FOLH1: variants seen among roughly 807,000 people sequenced by gnomAD.
FOLH1 encodes glutamate carboxypeptidase 2.
FOLH1 carries 54 observed loss-of-function variants against 93.9 expected under a neutral mutation model. That is an observed-to-expected ratio of 0.57 (90% CI 0.46 to 0.72). The LOEUF (loss-of-function observed/expected upper bound fraction) is 0.72, where lower values mean the gene tolerates loss of function less well. Among genes scored for constraint, FOLH1 ranks in the 30% least tolerant of loss-of-function variants. The pLI, the probability that FOLH1 is intolerant of heterozygous loss-of-function variation, is 0.00. For missense variants in FOLH1, 571 were observed against 892.5 expected (o/e 0.64, Z 4.59); for synonymous variants, 249 against 303.6 (o/e 0.82, Z 1.87).
intron 2 of FOLH1, among the ~76,000 whole-genome samples, chr11:49,202,437 C>T (rs397832877): frequency 1.3e-5 from 2 of 151,834 alleles, no homozygotes; most frequent in Non-Finnish European, 2.9e-5. Flanking sequence ...GAGTCTCATT[C>T]TGTTGCCAGG....
At chr11:49,196,024 C>G (rs1056367992) in intron 3 of FOLH1, among the ~76,000 whole-genome samples, 22 of 151,946 alleles carry the variant, frequency 1.4e-4, no homozygotes, top group African/African-American at 5.3e-4. Flanking sequence ...TGCGGTGGCT[C>G]ATGCCTGTAG....
At chr11:49,164,629 C>G in intron 13 of FOLH1, 76 bp downstream of exon 13, 2 of 983,904 alleles carry the variant, frequency 2.0e-6, no homozygotes, top group Non-Finnish European at 3.1e-6. Context: ...AAAACACCAC[C>G]TATGTTTAAC....
intron 6 of FOLH1, 48 bp downstream of exon 6, chr11:49,185,621 T>C (rs772802817): frequency 6.2e-7 from 1 of 1,607,432 alleles, no homozygotes; most frequent in Non-Finnish European, 8.5e-7. Flanking sequence ...TAATAAAGTC[T>C]CTTTCAAATG....
At chr11:49,161,261 A>G (rs943472463) in intron 13 of FOLH1, among the ~76,000 whole-genome samples, 2 of 152,174 alleles carry the variant, frequency 1.3e-5, no homozygotes, top group Non-Finnish European at 2.9e-5. Context: ...TGGGAGTCTA[A>G]GTCTCTTTGA....
At chr11:49,165,830 A>T (rs1858322918) in intron 12 of FOLH1, among the ~76,000 whole-genome samples, 1 of 152,218 alleles carries the variant, frequency 6.6e-6, no homozygotes, top group Non-Finnish European at 1.5e-5. Flanking sequence ...TAGATTCTAA[A>T]ATTTATCTGG....
At chr11:49,207,898 G>T (rs1474482891) in intron 1 of FOLH1, 2 of 464,248 alleles carry the variant, frequency 4.3e-6, no homozygotes, top group South Asian at 1.5e-5. Flanking sequence ...GCTTGCCTCT[G>T]TTACTTCCAA....
intron 4 of FOLH1, among the ~76,000 whole-genome samples, chr11:49,191,081 G>C (rs1263348859): frequency 6.6e-6 from 1 of 152,034 alleles, no homozygotes; most frequent in Non-Finnish European, 1.5e-5. Context: ...GCGCGATCTC[G>C]GCTCACTGCA....
chr11:49,163,055 G>C (rs1462458169), intron 13 of FOLH1, among the ~76,000 whole-genome samples: 3 of 152,162 alleles, frequency 2.0e-5, no homozygotes, highest in African/African-American at 7.2e-5. Context: ...AGGAGGAAAA[G>C]GATCAGGGAC....
intron 1 of FOLH1, 96 bp downstream of exon 1, chr11:49,208,196 A>T: frequency 1.1e-6 from 1 of 911,572 alleles, no homozygotes; most frequent in Non-Finnish European, 1.7e-6. Context: ...GGGGAAGACC[A>T]GCAACAGGAT....
At chr11:49,204,000 G>A (rs1232576694) in intron 2 of FOLH1, among the ~76,000 whole-genome samples, 2 of 152,280 alleles carry the variant, frequency 1.3e-5, no homozygotes, top group East Asian at 1.9e-4. Context: ...CTGGGCATGC[G>A]TGTTAGAGAC....
chr11:49,185,865 A>G lies in FOLH1; in HGVS notation c.640-10T>C, dbSNP rs529948964. The stretch of plus-strand genomic sequence containing the variant: ...GCTGGGCATTTTTAACCTAGAAAAC[A>G]CAGTGTCTTTCTTTCCTTATTTTAA... On this transcript the variant is annotated splice_polypyrimidine_tract_variant and intron_variant, in intron 5 of 18. Coordinates refer to ENST00000256999, the MANE Select transcript of FOLH1 (RefSeq NM_004476.3). 1.3e-6 allele frequency: 2 copies of G among 1,521,232 alleles called. No homozygotes were observed. Among genetic ancestry groups the G allele is most frequent in the Non-Finnish European group, 1.8e-6 (2 of 1,140,568 alleles). The allele number at this position is 1,521,232 out of a possible 1,614,324, so 94.2% of individuals were successfully genotyped here.
intron 13 of FOLH1, among the ~76,000 whole-genome samples, chr11:49,159,142 C>CTTGTTGAATACTT (rs1857355897): frequency 6.6e-6 from 1 of 152,116 alleles, no homozygotes; most frequent in African/African-American, 2.4e-5. Context: ...TGCCTGATTA[C>CTTGTTGAATACTT]CCTGGCCAGC....
In FOLH1 at chr11:49,156,824, A is replaced by C. The variant is rs1857088537; in HGVS notation, c.1533-17T>G. The C allele has an allele frequency of 6.2e-7, 1 of 1,610,124 alleles. No individual in the cohort carries two copies. Among genetic ancestry groups the C allele is most frequent in the Admixed American group, 1.7e-5 (1 of 59,596 alleles). ...TTGCTTATCCTTTTAGAGATAAAAC[A>C]ACAGAATTATTTCAAAGTAATTTGT... On this transcript the variant is annotated splice_polypyrimidine_tract_variant and intron_variant, in intron 14 of 18. Coordinates refer to ENST00000256999, the MANE Select transcript of FOLH1 (RefSeq NM_004476.3).
chr11:49,151,408 G>A (rs117445035), intron 17 of FOLH1, among the ~76,000 whole-genome samples: 4,564 of 150,010 alleles, frequency 0.03, 214 homozygotes, highest in South Asian at 0.2. Context: ...GCGCGTGCGC[G>A]TGCGTGCACA....
intron 4 of FOLH1, 23 bp downstream of exon 4, chr11:49,192,770 T>C: frequency 6.4e-7 from 1 of 1,565,294 alleles, no homozygotes. Flanking sequence ...TTGTCATTTT[T>C]ATTTGTTGCA....
At chr11:49,163,413 T>A (rs1857962050) in intron 13 of FOLH1, among the ~76,000 whole-genome samples, 1 of 152,016 alleles carries the variant, frequency 6.6e-6, no homozygotes, top group Non-Finnish European at 1.5e-5. Context: ...CCCCCAGTCA[T>A]CTTGGGCTCT....
At chr11:49,161,223 G>T (rs1342780893) in intron 13 of FOLH1, among the ~76,000 whole-genome samples, 1 of 152,120 alleles carries the variant, frequency 6.6e-6, no homozygotes, top group Non-Finnish European at 1.5e-5. Context: ...TTTTCAATAG[G>T]CTGTTAAAGT....
chr11:49,199,266 G>C (rs1440267687), intron 3 of FOLH1, among the ~76,000 whole-genome samples: 1 of 152,030 alleles, frequency 6.6e-6, no homozygotes, highest in East Asian at 1.9e-4. Flanking sequence ...CTAAAACTGA[G>C]GTATGTTAAG....
intron 12 of FOLH1, among the ~76,000 whole-genome samples, chr11:49,165,817 T>G (rs1382576599): frequency 6.6e-6 from 1 of 152,218 alleles, no homozygotes; most frequent in African/African-American, 2.4e-5. Context: ...AAAGATTTGA[T>G]TTTAGATTCT....
Sources: allele counts gnomAD v4.1 joint callset (sites outside exome capture counted in the v4.1 genomes callset), GRCh38; gene constraint gnomAD v4.1.1; transcripts MANE v1.5; gene names NCBI Gene and HGNC (gene_info 2026-07-23, HGNC 2026-07-21).